NRXN1: variants seen among roughly 807,000 people sequenced by gnomAD.
The protein encoded by NRXN1 is neurexin-1.
A neutral mutation model predicts 150.9 loss-of-function variants in NRXN1; 39 were observed. The ratio of observed to expected loss-of-function variants is 0.26; its 90% CI spans 0.20 to 0.34. The LOEUF is 0.34. NRXN1 is among the 10% of genes least tolerant of loss of function. The pLI, the probability that NRXN1 is intolerant of heterozygous loss-of-function variation, is 1.00. For missense variants in NRXN1, 1,815 were observed against 1,949.9 expected, an observed-to-expected ratio of 0.93 and a Z score of 1.30; for synonymous variants, 924 against 757.0, an observed-to-expected ratio of 1.22 and a Z score of -3.62.
At chr2:50,990,116 A>T (rs1449978918) in intron 2 of NRXN1, among the ~76,000 whole-genome samples, 1 of 151,978 alleles carries the variant, frequency 6.6e-6, no homozygotes, top group African/African-American at 2.4e-5. Context: ...TCTGTAGGGA[A>T]CTGTCTGCTA....
At chr2:50,609,729 A>G (rs1677722641) in intron 8 of NRXN1, among the ~76,000 whole-genome samples, 1 of 152,174 alleles carries the variant, frequency 6.6e-6, no homozygotes, top group East Asian at 1.9e-4. Flanking sequence ...ATTCAAATTT[A>G]GAAACCTAGG....
intron 10 of NRXN1, among the ~76,000 whole-genome samples, chr2:50,534,755 T>C (rs1250922863): frequency 6.6e-6 from 1 of 152,174 alleles, no homozygotes; most frequent in African/African-American, 2.4e-5. Flanking sequence ...ATTTAATCTC[T>C]ATAACTAGGC....
At chr2:50,424,314 A>AGGAGGAGGAGGAGGAGGGGGG (rs2084297529) in intron 17 of NRXN1, among the ~76,000 whole-genome samples, 1 of 55,350 alleles carries the variant, frequency 1.8e-5, no homozygotes, top group Admixed American at 2.8e-4. Flanking sequence ...GAGGAGGGGG[A>AGGAGGAGGAGGAGGAGGGGGG]GGAGGAGGAG....
At chr2:50,026,796 G>A (rs889518398) in intron 21 of NRXN1, among the ~76,000 whole-genome samples, 9 of 143,840 alleles carry the variant, frequency 6.3e-5, no homozygotes, top group Admixed American at 1.5e-4. Context: ...GCAACTCACA[G>A]AAATTAGCTG....
intron 18 of NRXN1, among the ~76,000 whole-genome samples, chr2:50,165,091 C>T (rs2059594239): frequency 1.3e-5 from 2 of 152,234 alleles, no homozygotes; most frequent in South Asian, 2.1e-4. Flanking sequence ...CTCTCTGATC[C>T]TCACAACCCC....
At chr2:50,354,554 C>CATATATATATATATATATATAT (rs71404946) in intron 17 of NRXN1, among the ~76,000 whole-genome samples, 26 of 100,104 alleles carry the variant, frequency 2.6e-4, no homozygotes, top group South Asian at 6.9e-4. Flanking sequence ...AGAGTGCATA[C>CATATATATATATATATATATAT]ATATATATAT....
chr2:50,010,325 A>C lies in NRXN1; in HGVS notation c.4128+42946T>G, dbSNP rs533351537. ...TGGAAATACTGGCTACCATAAACCA[A>C]AGATTTCTTTTGAATGTTCTCCTTT... On this transcript the variant is annotated intron_variant, in intron 21 of 22. Coordinates refer to ENST00000401669, the MANE Select transcript of NRXN1 (RefSeq NM_001330078.2). 2.0e-5 allele frequency among the ~76,000 whole-genome samples: 3 copies of C among 152,218 alleles called. No individual in the cohort carries two copies. In the East Asian group the frequency reaches 5.8e-4, roughly 29 times the overall value.
At chr2:50,622,230 T>C (rs1374026528) in intron 6 of NRXN1, among the ~76,000 whole-genome samples, 1 of 151,844 alleles carries the variant, frequency 6.6e-6, no homozygotes, top group Non-Finnish European at 1.5e-5. Flanking sequence ...TTGTTTGCCT[T>C]AGCTAGACTA....
chr2:50,552,229 T>C (rs2105342233), intron 9 of NRXN1, among the ~76,000 whole-genome samples: 1 of 152,282 alleles, frequency 6.6e-6, no homozygotes, highest in Middle Eastern at 3.4e-3. Flanking sequence ...CCACTTCGGG[T>C]ACCTCCAAAC....
At chr2:50,177,657 G>C (rs2060432642) in intron 18 of NRXN1, among the ~76,000 whole-genome samples, 1 of 151,920 alleles carries the variant, frequency 6.6e-6, no homozygotes, top group African/African-American at 2.4e-5. Flanking sequence ...AATACAAAAA[G>C]TGGTTTAGTA....
chr2:50,826,019 T>C (rs143955408), intron 5 of NRXN1, among the ~76,000 whole-genome samples: 4 of 152,312 alleles, frequency 2.6e-5, no homozygotes, highest in African/African-American at 4.8e-5. Flanking sequence ...TCTGCTCTCA[T>C]GGAAATTACA....
intron 17 of NRXN1, among the ~76,000 whole-genome samples, chr2:50,257,755 T>C (rs909929334): frequency 2.6e-5 from 4 of 152,018 alleles, no homozygotes; most frequent in African/African-American, 9.7e-5. Flanking sequence ...TTAAAGAGTA[T>C]CGTTAAAGTG....
intron 5 of NRXN1, among the ~76,000 whole-genome samples, chr2:50,690,544 C>T (rs1691924561): frequency 1.3e-5 from 2 of 152,190 alleles, no homozygotes; most frequent in Admixed American, 1.3e-4. Flanking sequence ...CTGGATTTCT[C>T]TGGCTCTTTA....
intron 5 of NRXN1, among the ~76,000 whole-genome samples, chr2:50,804,194 T>A (rs1043468383): frequency 1.3e-5 from 2 of 152,210 alleles, no homozygotes; most frequent in East Asian, 3.9e-4. Flanking sequence ...TCAAATTTTA[T>A]TAATTGGATC....
At chr2:50,343,503 C>A (rs2077705472) in intron 17 of NRXN1, among the ~76,000 whole-genome samples, 1 of 152,094 alleles carries the variant, frequency 6.6e-6, no homozygotes, top group South Asian at 2.1e-4. Flanking sequence ...GTAGTTTCAC[C>A]ATTTATGTTT....
intron 5 of NRXN1, among the ~76,000 whole-genome samples, chr2:50,875,684 A>C (rs755920676): frequency 7.9e-5 from 12 of 151,798 alleles, no homozygotes; most frequent in Non-Finnish European, 1.6e-4. Flanking sequence ...CTTAGAGGTA[A>C]GCAGAGACCA....
intron 17 of NRXN1, among the ~76,000 whole-genome samples, chr2:50,370,877 A>G (rs996796129): frequency 3.3e-5 from 5 of 151,994 alleles, no homozygotes; most frequent in Non-Finnish European, 7.4e-5. Flanking sequence ...CCCTCCTATG[A>G]TATTTTTGAG....
chr2:50,500,101 A>G (rs1436177793), intron 13 of NRXN1, among the ~76,000 whole-genome samples: 2 of 152,138 alleles, frequency 1.3e-5, no homozygotes, highest in Non-Finnish European at 2.9e-5. Context: ...TGATGAAACA[A>G]CCAATAGTAA....
chr2:50,604,811 G>A (rs752114595), intron 8 of NRXN1, among the ~76,000 whole-genome samples: 8 of 152,120 alleles, frequency 5.3e-5, no homozygotes, highest in Non-Finnish European at 7.3e-5. Context: ...AAAGGTTATA[G>A]AATACCTACT....
Sources: gnomAD v4.1 joint callset for allele counts (sites outside exome capture counted in the v4.1 genomes callset) on GRCh38, gnomAD v4.1.1 for gene constraint, MANE v1.5 for transcripts, NCBI Gene and HGNC (gene_info 2026-07-23, HGNC 2026-07-21) for gene names.